The following GRIK1 variants were observed in gnomAD, a reference collection of about 807,000 sequenced individuals.
GRIK1 encodes the protein glutamate receptor ionotropic, kainate 1.
A neutral mutation model predicts 105.7 loss-of-function variants in GRIK1; 69 were observed. The ratio of observed to expected loss-of-function variants is 0.65; its 90% CI spans 0.54 to 0.80. The LOEUF is 0.80. Ranked by LOEUF, GRIK1 falls within the 30% of genes least tolerant of loss-of-function variation. The probability of loss-of-function intolerance (pLI) is 0.00; values close to 1 mark genes in which losing one functional copy is unlikely to be tolerated. For missense variants in GRIK1, 1,109 were observed against 1,167.3 expected, an observed-to-expected ratio of 0.95 and a Z score of 0.73; for synonymous variants, 438 against 431.3, an observed-to-expected ratio of 1.02 and a Z score of -0.19.
chr21:29,642,273 C>T (rs1174442600), intron 7 of GRIK1, among the ~76,000 whole-genome samples: 2 of 152,190 alleles, frequency 1.3e-5, no homozygotes, highest in Non-Finnish European at 2.9e-5. Context: ...AGATATCTAT[C>T]CCTGCAAATA....
chr21:29,802,438 C>T (rs138583679), intron 1 of GRIK1, among the ~76,000 whole-genome samples: 5 of 152,188 alleles, frequency 3.3e-5, no homozygotes, highest in Admixed American at 3.3e-4. Context: ...CTCTTCCCAC[C>T]TCCAACACAC....
chr21:29,917,239 A>C, intron 1 of GRIK1, among the ~76,000 whole-genome samples: 1 of 152,022 alleles, frequency 6.6e-6, no homozygotes, highest in Admixed American at 6.6e-5. Flanking sequence ...CAAAACAGAC[A>C]AACGTTAAAA....
intron 3 of GRIK1, among the ~76,000 whole-genome samples, chr21:29,679,108 TAGTC>T (rs907707609): frequency 5.3e-5 from 8 of 152,208 alleles, no homozygotes; most frequent in African/African-American, 1.7e-4. Flanking sequence ...ACAGTGCACA[TAGTC>T]AGCACTCAAG....
chr21:29,793,597 G>T (rs893933175), intron 1 of GRIK1, among the ~76,000 whole-genome samples: 3 of 151,426 alleles, frequency 2.0e-5, no homozygotes, highest in Non-Finnish European at 4.4e-5. Context: ...GAGAAAGACA[G>T]AAAGGAAAGC....
chr21:29,769,850 T>C (rs1345138953), intron 1 of GRIK1, among the ~76,000 whole-genome samples: 1 of 152,142 alleles, frequency 6.6e-6, no homozygotes, highest in Non-Finnish European at 1.5e-5. Flanking sequence ...CCTTCAAAAC[T>C]GCAGGATAAT....
At chr21:29,669,270 C>T (rs363559) in intron 4 of GRIK1, among the ~76,000 whole-genome samples, 1,815 of 152,194 alleles carry the variant, frequency 0.012, 33 homozygotes, top group African/African-American at 0.042. Context: ...CCTTTGATTT[C>T]TTCTTTTCTG....
At chr21:29,939,352 C>T (rs375270602) in intron 1 of GRIK1, 31 bp downstream of exon 1, 2 of 1,291,324 alleles carry the variant, frequency 1.5e-6, no homozygotes, top group Non-Finnish European at 2.2e-6. Context: ...CCGACCACGT[C>T]TCCCGAGCAG....
intron 1 of GRIK1, among the ~76,000 whole-genome samples, chr21:29,815,487 A>ATTGGGGTGGC: frequency 6.6e-6 from 1 of 152,124 alleles, no homozygotes; most frequent in African/African-American, 2.4e-5. Flanking sequence ...GTGGCAGGAT[A>ATTGGGGTGGC]CTGGGAGTGG....
intron 1 of GRIK1, among the ~76,000 whole-genome samples, chr21:29,874,595 C>T (rs1013343766): frequency 6.6e-6 from 1 of 152,128 alleles, no homozygotes; most frequent in African/African-American, 2.4e-5. Flanking sequence ...GCCAAGGACC[C>T]GTACTGGTTT....
rs149023627 is a variant in GRIK1 at position 29,615,257 on chromosome 21, C to T, written c.1099-16320G>A. Among the ~76,000 whole-genome samples, 50 of 151,746 alleles carry T rather than the reference C, an allele frequency of 3.3e-4. 1 individual carries two copies. The East Asian group carries it at 9.1e-3, about 28-fold the overall frequency. On this transcript the variant is annotated intron_variant, in intron 7 of 17. Coordinates refer to ENST00000327783, the MANE Select transcript of GRIK1 (RefSeq NM_001330994.2). ...CAGATGATGATGGCTTCCTTAAGAG[C>T]AGGTGTAGTGTGCATTCACCATTTG... is the stretch of plus-strand genomic sequence containing the variant.
chr21:29,537,762 C>T (rs778605955), intron 17 of GRIK1, 36 bp downstream of exon 17: 16 of 952,904 alleles, frequency 1.7e-5, no homozygotes, highest in Middle Eastern at 2.1e-4. Flanking sequence ...TCAAGGCATA[C>T]GGACACTTCA....
At chr21:29,753,222 C>T (rs971454812) in intron 1 of GRIK1, among the ~76,000 whole-genome samples, 7 of 151,892 alleles carry the variant, frequency 4.6e-5, no homozygotes, top group Admixed American at 1.3e-4. Flanking sequence ...TTATCTAGTG[C>T]GATGAAACAA....
intron 1 of GRIK1, among the ~76,000 whole-genome samples, chr21:29,814,225 A>G (rs1422813616): frequency 6.6e-6 from 1 of 151,462 alleles, no homozygotes; most frequent in Non-Finnish European, 1.5e-5. Flanking sequence ...TGCTGGGATT[A>G]CAGCCGTGAG....
At chr21:29,701,719 G>A (rs1218741570) in intron 1 of GRIK1, among the ~76,000 whole-genome samples, 2 of 152,204 alleles carry the variant, frequency 1.3e-5, no homozygotes, top group African/African-American at 4.8e-5. Flanking sequence ...TGCCCTTGGA[G>A]ATGTTGCAAT....
chr21:29,642,888 G>A lies in GRIK1; in HGVS notation c.1036C>T (p.Leu346=), dbSNP rs374379394. 41 of 1,613,816 alleles carry A rather than the reference G, an allele frequency of 2.5e-5. 1 individual carries two copies. In the African/African-American group the frequency reaches 4.3e-4, roughly 17 times the overall value. Residue 346 remains leucine, a synonymous_variant, in exon 7 of 18, where the codon CTG becomes TTG. Coordinates refer to ENST00000327783, the MANE Select transcript of GRIK1 (RefSeq NM_001330994.2). ...HRASQLTVSS[L]QCHRHKPWRL... ...CATGGCTTATGTCTATGGCACTGCA[G>A]GGAGCTGACGGTCAGCTGGGATGCC...
chr21:29,593,104 A>G (rs149391378), intron 9 of GRIK1, among the ~76,000 whole-genome samples: 140 of 152,346 alleles, frequency 9.2e-4, no homozygotes, highest in African/African-American at 3.3e-3. Flanking sequence ...AAGGACTATT[A>G]CACGTTCACA....
rs557907008 is a variant in GRIK1, at chr21:29,642,119, G to A, written c.1098+707C>T. Among the ~76,000 whole-genome samples the A allele has an allele frequency of 2.6e-5, 4 of 152,278 alleles. No homozygotes were observed. The South Asian group carries it at 8.3e-4, about 32-fold the overall frequency. ...ATCATCAAGTCCAGACACACCCTGA[G>A]GTTCGTGGTGGAATGGATGATCATG... On this transcript the variant is annotated intron_variant, in intron 7 of 17. Transcript: ENST00000327783.
At chr21:29,795,908 G>A (rs442811) in intron 1 of GRIK1, among the ~76,000 whole-genome samples, 123,338 of 152,032 alleles carry the variant, frequency 0.81, 50,733 homozygotes, top group Non-Finnish European at 0.88. Flanking sequence ...TTTGGACAAT[G>A]AGCTTCTAAT....
At chr21:29,687,857 G>A (rs551423437) in intron 3 of GRIK1, among the ~76,000 whole-genome samples, 3 of 152,230 alleles carry the variant, frequency 2.0e-5, no homozygotes, top group South Asian at 4.1e-4. Flanking sequence ...TTAAATCCAC[G>A]AGTTTCAATA....
Sources: allele counts gnomAD v4.1 joint callset (sites outside exome capture counted in the v4.1 genomes callset), GRCh38; gene constraint gnomAD v4.1.1; transcripts MANE v1.5; gene names NCBI Gene and HGNC (gene_info 2026-07-23, HGNC 2026-07-21).